The following DNAJC3 variants were observed in gnomAD, a reference collection of about 807,000 sequenced individuals.
DNAJC3 encodes the protein dnaJ homolog subfamily C member 3.
A neutral mutation model predicts 68.6 loss-of-function variants in DNAJC3; 38 were observed. The ratio of observed to expected loss-of-function variants is 0.55; its 90% CI spans 0.43 to 0.73. The LOEUF (loss-of-function observed/expected upper bound fraction) is 0.73. Among genes scored for constraint, DNAJC3 ranks in the 30% least tolerant of loss-of-function variants. The pLI is 0.00. For synonymous variants in DNAJC3, 203 were observed against 204.0 expected (o/e 1.00, Z 0.04); for missense variants, 526 against 591.9 (o/e 0.89, Z 1.16).
intron 4 of DNAJC3, among the ~76,000 whole-genome samples, chr13:95,736,746 T>C (rs1377374221): frequency 2.0e-5 from 3 of 146,872 alleles, no homozygotes; most frequent in African/African-American, 7.6e-5. Context: ...TTTCTAGATA[T>C]ACAATCATGT....
At chr13:95,696,852 T>G (rs893810773) in intron 1 of DNAJC3, among the ~76,000 whole-genome samples, 3 of 152,144 alleles carry the variant, frequency 2.0e-5, no homozygotes, top group African/African-American at 7.2e-5. Context: ...TTCATGCCAT[T>G]TTCCCGCCTC....
intron 1 of DNAJC3, among the ~76,000 whole-genome samples, chr13:95,702,916 C>G (rs1206152240): frequency 6.6e-6 from 1 of 152,176 alleles, no homozygotes; most frequent in African/African-American, 2.4e-5. Context: ...TACTCCATCA[C>G]CATCCCACTC....
At position 95,791,304 on chromosome 13, in the gene DNAJC3, G is replaced by A. The variant is rs141515465; in HGVS notation, c.*274G>A. 2.6e-5 allele frequency: 11 copies of A among 431,194 alleles called. No homozygotes were observed. In the East Asian group the frequency reaches 2.6e-4, roughly 10 times the overall value. The allele number at this position is 431,194 out of a possible 1,614,324, so 26.7% of individuals were successfully genotyped here. On this transcript the variant is annotated 3_prime_UTR_variant, in exon 12 of 12. Transcript: ENST00000602402. Reference sequence around the variant, plus strand: ...GAAGTGGTCTGAGGCAGGCTCACCCGTGGAAGTGCTCACGTATTCTGTATT... The same window carrying A: ...GAAGTGGTCTGAGGCAGGCTCACCCATGGAAGTGCTCACGTATTCTGTATT...
intron 11 of DNAJC3, among the ~76,000 whole-genome samples, chr13:95,789,580 T>C (rs1883704369): frequency 6.6e-6 from 1 of 152,218 alleles, no homozygotes; most frequent in African/African-American, 2.4e-5. Flanking sequence ...GTTGATTCCA[T>C]GTCTTTTCTA....
intron 1 of DNAJC3, among the ~76,000 whole-genome samples, chr13:95,692,369 G>A (rs1314722791): frequency 6.6e-6 from 1 of 152,038 alleles, no homozygotes. Flanking sequence ...TTGTCAGTGG[G>A]GGGGTTGGCG....
chr13:95,778,327 G>A (rs1335452981), intron 9 of DNAJC3, among the ~76,000 whole-genome samples: 1 of 152,210 alleles, frequency 6.6e-6, no homozygotes, highest in Non-Finnish European at 1.5e-5. Context: ...CACCAAAGCA[G>A]TGAAGCAGAA....
chr13:95,764,362 T>G (rs1419877107), intron 9 of DNAJC3, among the ~76,000 whole-genome samples: 79 of 140,638 alleles, frequency 5.6e-4, no homozygotes, highest in Non-Finnish European at 8.7e-4. Flanking sequence ...TCTCTCTCTC[T>G]CTCTCTCTCT....
intron 11 of DNAJC3, among the ~76,000 whole-genome samples, chr13:95,789,924 T>C (rs9561958): frequency 0.056 from 8,578 of 152,242 alleles, 361 homozygotes; most frequent in East Asian, 0.19. Flanking sequence ...CGCATATATG[T>C]CTTCTTTTGA....
intron 1 of DNAJC3, among the ~76,000 whole-genome samples, chr13:95,704,851 G>GTGTGTTTTTTTTTTTTTTTTTTT (rs1555323371): frequency 1.0e-5 from 1 of 97,860 alleles, no homozygotes; most frequent in African/African-American, 6.0e-5. Context: ...GTGTGTGTGT[G>GTGTGTTTTTTTTTTTTTTTTTTT]TTTTTTTTTT....
At chr13:95,767,662 C>G (rs368434058) in intron 9 of DNAJC3, among the ~76,000 whole-genome samples, 1 of 150,290 alleles carries the variant, frequency 6.7e-6, no homozygotes, top group Non-Finnish European at 1.5e-5. Context: ...GATTCTGATT[C>G]TTCCACATCC....
chr13:95,677,383 G>GC lies in DNAJC3; in HGVS notation c.82+52dup. On this transcript the variant is annotated intron_variant, in intron 1 of 11. Transcript: ENST00000602402. ...GCCAGGAAGTGGGCTCCCGGACCAG[G>GC]CCCCCCGCGCTTTCCCGTCTGCGCC... is the stretch of plus-strand genomic sequence containing the variant. 3.3e-6 allele frequency: 5 copies of GC among 1,532,114 alleles called. 1 individual carries two copies. In the South Asian group the frequency reaches 3.6e-5, roughly 11 times the overall value. 94.9% of individuals were successfully genotyped at this position (1,532,114 alleles called of 1,614,324 possible).
intron 5 of DNAJC3, among the ~76,000 whole-genome samples, chr13:95,758,557 A>G (rs1446576413): frequency 6.6e-6 from 1 of 151,668 alleles, no homozygotes; most frequent in Non-Finnish European, 1.5e-5. Context: ...CGAACCTGAG[A>G]AGCAGAGGTT....
intron 4 of DNAJC3, among the ~76,000 whole-genome samples, chr13:95,753,315 T>C (rs1882543088): frequency 6.6e-6 from 1 of 151,990 alleles, no homozygotes; most frequent in Non-Finnish European, 1.5e-5. Flanking sequence ...AACAGTTCTT[T>C]ATGTTTTTTT....
At chr13:95,749,957 G>A (rs995628291) in intron 4 of DNAJC3, among the ~76,000 whole-genome samples, 2 of 152,124 alleles carry the variant, frequency 1.3e-5, no homozygotes, top group Non-Finnish European at 2.9e-5. Context: ...GGCTGAGGCA[G>A]GAGAATTGCT....
intron 4 of DNAJC3, among the ~76,000 whole-genome samples, chr13:95,748,388 C>A (rs1057107334): frequency 2.6e-5 from 4 of 151,978 alleles, no homozygotes; most frequent in African/African-American, 9.7e-5. Flanking sequence ...GGATCTGTAT[C>A]AATTGTAAAC....
At chr13:95,691,513 C>G (rs1339043073) in intron 1 of DNAJC3, among the ~76,000 whole-genome samples, 1 of 151,332 alleles carries the variant, frequency 6.6e-6, no homozygotes. Flanking sequence ...CGGGAAGAGG[C>G]ACTCCTCACT....
At chr13:95,772,821 TA>T (rs1883191546) in intron 9 of DNAJC3, among the ~76,000 whole-genome samples, 1 of 152,232 alleles carries the variant, frequency 6.6e-6, no homozygotes, top group African/African-American at 2.4e-5. Context: ...AATCAACCTT[TA>T]ATTATTGGGA....
intron 9 of DNAJC3, among the ~76,000 whole-genome samples, chr13:95,783,872 C>T (rs1594029690): frequency 6.6e-6 from 1 of 152,154 alleles, no homozygotes; most frequent in South Asian, 2.1e-4. Context: ...AAACAGGACT[C>T]TCTACAAGGC....
intron 2 of DNAJC3, among the ~76,000 whole-genome samples, chr13:95,719,418 C>T (rs949898817): frequency 6.6e-6 from 1 of 152,164 alleles, no homozygotes; most frequent in Non-Finnish European, 1.5e-5. Flanking sequence ...TGTATTATAT[C>T]GTTGGCTATT....
Sources: gnomAD v4.1 joint callset for allele counts (sites outside exome capture counted in the v4.1 genomes callset) on GRCh38, gnomAD v4.1.1 for gene constraint, MANE v1.5 for transcripts, NCBI Gene and HGNC (gene_info 2026-07-23, HGNC 2026-07-21) for gene names.